Variants in SRGAP2 observed in about 807,000 individuals in gnomAD.
SRGAP2 encodes the protein SLIT-ROBO Rho GTPase activating protein 2.
A neutral mutation model predicts 57.2 loss-of-function variants in SRGAP2; 15 were observed. The ratio of observed to expected loss-of-function variants is 0.26; its 90% CI spans 0.18 to 0.40. SRGAP2 has a LOEUF of 0.40. Ranked by LOEUF, SRGAP2 falls within the 10% of genes least tolerant of loss-of-function variation. The pLI, the probability that SRGAP2 is intolerant of heterozygous loss-of-function variation, is 1.00. For synonymous variants in SRGAP2, 249 were observed against 248.0 expected (o/e 1.00, Z -0.04); for missense variants, 520 against 669.6 (o/e 0.78, Z 2.47).
At chr1:206,260,833 A>G (rs1392058150) in intron 2 of SRGAP2, among the ~76,000 whole-genome samples, 2 of 152,240 alleles carry the variant, frequency 1.3e-5, no homozygotes, top group African/African-American at 2.4e-5. Flanking sequence ...AGCAGTGCAT[A>G]TGCTACTTAA....
At chr1:206,445,985 C>T (rs782364637) in intron 17 of SRGAP2, 90 bp from the exon 18 acceptor site, 355 of 710,544 alleles carry the variant, frequency 5.0e-4, no homozygotes, top group Non-Finnish European at 5.5e-4. Context: ...GGACCTTCTG[C>T]TTTTGCTCTT....
At chr1:206,338,841 A>G (rs1299977535) in intron 3 of SRGAP2, among the ~76,000 whole-genome samples, 1 of 139,184 alleles carries the variant, frequency 7.2e-6, no homozygotes, top group Non-Finnish European at 1.5e-5. Flanking sequence ...TAGAGCCTCA[A>G]TATATGAAAC....
chr1:206,328,337 TG>T (rs1674120368), intron 3 of SRGAP2, among the ~76,000 whole-genome samples: 1 of 116,278 alleles, frequency 8.6e-6, no homozygotes, highest in African/African-American at 4.0e-5. Context: ...ATGCGATGGC[TG>T]GGTCAAATGG....
At position 206,459,534 on chromosome 1, in the gene SRGAP2, C is replaced by T. The variant is rs900586547; in HGVS notation, c.2832+587C>T. On this transcript the variant is annotated intron_variant, in intron 22 of 22. Coordinates refer to ENST00000573034, the MANE Select transcript of SRGAP2 (RefSeq NM_015326.5). The stretch of plus-strand genomic sequence containing the variant: ...TGAGCTCCCTGGTTGCAGGGTCTTC[C>T]TTCTGTGTATGCACCGCACTGATGA... Among the ~76,000 whole-genome samples the T allele has an allele frequency of 4.0e-5, 6 of 151,340 alleles. No homozygotes were observed. The South Asian group carries it at 1.2e-3, about 31-fold the overall frequency.
intron 3 of SRGAP2, among the ~76,000 whole-genome samples, chr1:206,332,797 C>T (rs1471819924): frequency 6.6e-6 from 1 of 151,944 alleles, no homozygotes; most frequent in Non-Finnish European, 1.5e-5. Context: ...CTGAAGCCTT[C>T]TTCTCTCAGC....
chr1:206,415,911 G>A lies in SRGAP2; in HGVS notation c.1379G>A (p.Gly460Asp). ...CAGAAAATGAAAGAGTACCTGGAGG[G>A]CAGGAACCTCATCACCAAGTTACAA... ...YFTKMKEYLE[G>D]RNLITKLQAK... The change falls in exon 11 of 23, where the codon GGC (glycine) becomes GAC (aspartate). Residue 460 changes from glycine to aspartate, a missense_variant. Gly to Asp is a moderately conservative substitution (Grantham distance 94). Coordinates refer to ENST00000573034, the MANE Select transcript of SRGAP2 (RefSeq NM_015326.5). 1.3e-6 allele frequency: 1 copy of A among 780,248 alleles called. No homozygotes were observed. The allele number at this position is 780,248 out of a possible 1,614,324, so 48.3% of individuals were successfully genotyped here.
At chr1:206,354,519 T>G (rs1406243296) in intron 4 of SRGAP2, among the ~76,000 whole-genome samples, 1 of 152,208 alleles carries the variant, frequency 6.6e-6, no homozygotes. Context: ...CCAACTATCC[T>G]GTTTGCCTTG....
At chr1:206,256,215 C>A (rs1382977534) in intron 2 of SRGAP2, among the ~76,000 whole-genome samples, 3 of 152,006 alleles carry the variant, frequency 2.0e-5, no homozygotes, top group African/African-American at 7.3e-5. Flanking sequence ...CATTACCCCA[C>A]CCAAGAAGGA....
In SRGAP2 at chr1:206,453,367, G is replaced by A. The variant is rs769054196; in HGVS notation, c.2347G>A (p.Val783Met). 15 of 704,642 alleles carry A rather than the reference G, an allele frequency of 2.1e-5. No individual in the cohort carries two copies. Among genetic ancestry groups the A allele is most frequent in the Admixed American group, 4.0e-5 (2 of 50,300 alleles). 43.6% of individuals were successfully genotyped at this position (704,642 alleles called of 1,614,324 possible). A position where few individuals can be genotyped will look rare whatever the true frequency, so the allele number is the denominator to read the frequency against. Residue 783 changes from valine to methionine, a missense_variant, in exon 20 of 23, where the codon GTG becomes ATG. Physicochemically the swap from Val to Met is conservative, Grantham distance 21. Around this residue, in one of 5 missense-constraint regions of SRGAP2, gnomAD observed 478 missense variants for 373.6 expected, o/e 1.28. Coordinates refer to ENST00000573034, the MANE Select transcript of SRGAP2 (RefSeq NM_015326.5). ...CGGACTCATCCCCCATCAGTACATC[G>A]TGGTCCAAGACACGTACGTTGGGCC... ...IDGLIPHQYI[V>M]VQDTEDGVVE...
At chr1:206,376,967 T>G (rs1407593841) in intron 4 of SRGAP2, among the ~76,000 whole-genome samples, 1 of 151,916 alleles carries the variant, frequency 6.6e-6, no homozygotes, top group Non-Finnish European at 1.5e-5. Context: ...TTGATCTCAT[T>G]GATTCAGCAA....
intron 2 of SRGAP2, among the ~76,000 whole-genome samples, chr1:206,231,485 C>G (rs1667633539): frequency 6.6e-6 from 1 of 151,762 alleles, no homozygotes; most frequent in Non-Finnish European, 1.5e-5. Flanking sequence ...GTTGGACCTA[C>G]TTAACAATTT....
rs71152470 is a variant in SRGAP2 at position 206,428,420 on chromosome 1, C to CAAAA, written c.1495-1727_1495-1724dup. On this transcript the variant is annotated intron_variant, in intron 13 of 22. Coordinates refer to ENST00000573034, the MANE Select transcript of SRGAP2 (RefSeq NM_015326.5). ...TGGGCGACTGATTGAGACTCTGTCT[C>CAAAA]AAAAAAAAAAAAAAAAAAGAAAAAG... Among the ~76,000 whole-genome samples the CAAAA allele has an allele frequency of 2.6e-3, 156 of 60,100 alleles. 1 individual carries two copies. The highest frequency in any genetic ancestry group is 7.6e-3 in the African/African-American group (148 of 19,574). 39.4% of individuals were successfully genotyped at this position (60,100 alleles called of 152,430 possible).
chr1:206,255,504 T>C (rs1283634250), intron 2 of SRGAP2, among the ~76,000 whole-genome samples: 1 of 141,618 alleles, frequency 7.1e-6, no homozygotes, highest in Non-Finnish European at 1.5e-5. Context: ...TTTTGTTAAA[T>C]GGAACAATAT....
intron 2 of SRGAP2, among the ~76,000 whole-genome samples, chr1:206,299,770 G>A (rs1366051521): frequency 1.3e-5 from 2 of 151,768 alleles, no homozygotes; most frequent in African/African-American, 4.8e-5. Context: ...TGGTAACAAG[G>A]GAGGCATCTT....
chr1:206,389,104 C>T (rs547399438), intron 5 of SRGAP2, among the ~76,000 whole-genome samples: 1 of 151,702 alleles, frequency 6.6e-6, no homozygotes, highest in South Asian at 2.1e-4. Flanking sequence ...GAATAAACCT[C>T]TCATCTAGTC....
chr1:206,332,415 G>A lies in SRGAP2; in HGVS notation c.261-10431G>A, dbSNP rs1433039786. ...ATCCTGCAGAGTGTTTTCCAACTTG[G>A]TTCCATTCTCCGCCTCACTTTCAGG... On this transcript the variant is annotated intron_variant, in intron 3 of 22. Coordinates refer to ENST00000573034, the MANE Select transcript of SRGAP2 (RefSeq NM_015326.5). 2.7e-3 allele frequency among the ~76,000 whole-genome samples: 397 copies of A among 149,206 alleles called. 4 individuals are homozygous for A. The highest frequency in any genetic ancestry group is 9.5e-3 in the African/African-American group (378 of 39,838).
At chr1:206,252,014 AT>A (rs1354791832) in intron 2 of SRGAP2, among the ~76,000 whole-genome samples, 2 of 91,016 alleles carry the variant, frequency 2.2e-5, no homozygotes, top group African/African-American at 9.3e-5. Context: ...CCTTATATAT[AT>A]TTTTTAATTG....
At chr1:206,460,573 C>T (rs1664175935) in intron 22 of SRGAP2, among the ~76,000 whole-genome samples, 1 of 152,078 alleles carries the variant, frequency 6.6e-6, no homozygotes, top group Non-Finnish European at 1.5e-5. Flanking sequence ...CCTTGAAGTC[C>T]AAGAGAATAA....
At chr1:206,423,100 C>T (rs1310985949) in intron 13 of SRGAP2, among the ~76,000 whole-genome samples, 3 of 152,208 alleles carry the variant, frequency 2.0e-5, no homozygotes, top group Non-Finnish European at 2.9e-5. Flanking sequence ...GGGTTCCGGT[C>T]ATTTTTGACC....
Sources: allele counts gnomAD v4.1 joint callset (sites outside exome capture counted in the v4.1 genomes callset), GRCh38; gene constraint gnomAD v4.1.1; regional missense constraint gnomAD v4.1.1; transcripts MANE v1.5; gene names NCBI Gene and HGNC (gene_info 2026-07-23, HGNC 2026-07-21).